Variants in UBE2L3 observed in about 807,000 individuals in gnomAD.
UBE2L3 encodes ubiquitin-conjugating enzyme E2 L3.
UBE2L3 carries 1 observed loss-of-function variant against 17.8 expected under a neutral mutation model. The observed-to-expected ratio is 0.06, with a 90% confidence interval of 0.02 to 0.27. The LOEUF (loss-of-function observed/expected upper bound fraction) is 0.27. UBE2L3 is among the 10% of genes least tolerant of loss of function. The probability of loss-of-function intolerance (pLI) is 1.00; values close to 1 mark genes in which losing one functional copy is unlikely to be tolerated. For missense variants in UBE2L3, 40 were observed against 192.6 expected, an observed-to-expected ratio of 0.21 and a Z score of 4.69; for synonymous variants, 44 against 68.5, an observed-to-expected ratio of 0.64 and a Z score of 1.76.
At chr22:21,552,841 A>G (rs1264362738) in intron 1 of UBE2L3, among the ~76,000 whole-genome samples, 1 of 128,658 alleles carries the variant, frequency 7.8e-6, no homozygotes, top group Non-Finnish European at 1.6e-5. Context: ...CTCCTGCCTC[A>G]GCCTCTCAAG....
chr22:21,579,327 A>G (rs534131417), intron 1 of UBE2L3, among the ~76,000 whole-genome samples: 43 of 152,276 alleles, frequency 2.8e-4, no homozygotes, highest in African/African-American at 9.9e-4. Context: ...ACTAAATGTA[A>G]GATAGCTACC....
chr22:21,584,558 C>T (rs1010588024), intron 1 of UBE2L3, among the ~76,000 whole-genome samples: 2 of 151,890 alleles, frequency 1.3e-5, no homozygotes, highest in Admixed American at 1.3e-4. Flanking sequence ...GACTGGAGTG[C>T]AGTGGCATGA....
In UBE2L3 at chr22:21,556,614, CTTTTTTTTTTTTGTA is replaced by C. The variant is rs1364695817; in HGVS notation, c.201+6977_201+6991del. Reference sequence around the variant, plus strand: ...CCGGCTAATTTTTCTTTTCTTTTTTCTTTTTTTTTTTTGTATTTTTTTTTTTTTGTAGAGATAGGG... The same window carrying C: ...CCGGCTAATTTTTCTTTTCTTTTTTCTTTTTTTTTTTTTGTAGAGATAGGG... On this transcript the variant is annotated intron_variant, in intron 1 of 3. Coordinates refer to the UBE2L3 transcript ENST00000458578. 7.4e-3 allele frequency among the ~76,000 whole-genome samples: 1,062 copies of C among 144,332 alleles called. 10 individuals are homozygous for C. Among genetic ancestry groups the C allele is most frequent in the African/African-American group, 0.026 (1,020 of 38,612 alleles). The allele number at this position is 144,332 out of a possible 152,430, so 94.7% of individuals were successfully genotyped here. A position where few individuals can be genotyped will look rare whatever the true frequency, so the allele number is the denominator to read the frequency against.
chr22:21,571,936 T>G (rs1280063458), intron 1 of UBE2L3, among the ~76,000 whole-genome samples: 2 of 152,174 alleles, frequency 1.3e-5, no homozygotes, highest in African/African-American at 2.4e-5. Flanking sequence ...TGTGATGTTA[T>G]GCCAGTGTAA....
chr22:21,584,794 C>A (rs1393761824), intron 1 of UBE2L3, among the ~76,000 whole-genome samples: 1 of 151,756 alleles, frequency 6.6e-6, no homozygotes, highest in Non-Finnish European at 1.5e-5. Flanking sequence ...AACCCCATCT[C>A]TACTAAAAAT....
At chr22:21,621,353 G>A (rs573737854) in intron 3 of UBE2L3, among the ~76,000 whole-genome samples, 162 bp from the exon 4 acceptor site, 40 of 152,300 alleles carry the variant, frequency 2.6e-4, no homozygotes, top group African/African-American at 9.6e-4. Context: ...TGAGTTTTCT[G>A]GCAGTCAGAA....
intron 2 of UBE2L3, among the ~76,000 whole-genome samples, chr22:21,610,612 GTC>G (rs1028407983): frequency 6.6e-6 from 1 of 152,104 alleles, no homozygotes; most frequent in Non-Finnish European, 1.5e-5. Flanking sequence ...AAAAAGTAAA[GTC>G]TATTTTTTAA....
chr22:21,618,870 G>T (rs761032949), intron 3 of UBE2L3, among the ~76,000 whole-genome samples: 2 of 152,166 alleles, frequency 1.3e-5, no homozygotes, highest in East Asian at 1.9e-4. Flanking sequence ...GGGAATACAG[G>T]TGTGAGCCAC....
intron 2 of UBE2L3, among the ~76,000 whole-genome samples, chr22:21,599,885 C>G (rs1928764367): frequency 6.6e-6 from 1 of 152,066 alleles, no homozygotes; most frequent in South Asian, 2.1e-4. Context: ...GTACTCATGG[C>G]TATTTGAGCC....
At chr22:21,610,076 T>C (rs1356844303) in intron 2 of UBE2L3, among the ~76,000 whole-genome samples, 2 of 152,178 alleles carry the variant, frequency 1.3e-5, no homozygotes, top group Non-Finnish European at 2.9e-5. Context: ...TTCTCACTTA[T>C]TGAGGCTGGG....
intron 1 of UBE2L3, among the ~76,000 whole-genome samples, chr22:21,558,245 G>T (rs1389649436): frequency 9.6e-4 from 146 of 151,976 alleles, no homozygotes; most frequent in Non-Finnish European, 1.5e-3. Context: ...GCTCCATCCT[G>T]AGAGCCTGCA....
chr22:21,564,880 A>G (rs1926574413), upstream of UBE2L3, among the ~76,000 whole-genome samples: 2 of 152,118 alleles, frequency 1.3e-5, no homozygotes, highest in South Asian at 2.1e-4. Context: ...CCAGACTTCT[A>G]AGTCCCACCA....
Position 21,567,943 on chromosome 22 carries a change from C to T in UBE2L3, c.27+172C>T, listed in dbSNP as rs1271609937. 15 of 1,417,186 alleles carry T rather than the reference C, an allele frequency of 1.1e-5. No homozygotes were observed. In the South Asian group the frequency reaches 1.6e-4, roughly 15 times the overall value. 87.8% of individuals were successfully genotyped at this position (1,417,186 alleles called of 1,614,324 possible). On this transcript the variant is annotated intron_variant, in intron 1 of 3. Transcript: ENST00000342192. ...AAGGTGCTAACGGGGCTGGCCTAGG[C>T]CGCAGCCTGGGCGGGAGCGCAAGGC...
intron 1 of UBE2L3, among the ~76,000 whole-genome samples, chr22:21,591,368 C>T (rs538852628): frequency 6.6e-6 from 1 of 152,162 alleles, no homozygotes; most frequent in Non-Finnish European, 1.5e-5. Context: ...GGCCCAAGTC[C>T]AGGTGATTGT....
intron 2 of UBE2L3, among the ~76,000 whole-genome samples, chr22:21,594,433 T>C (rs541530708): frequency 8.2e-4 from 124 of 152,130 alleles, no homozygotes; most frequent in African/African-American, 2.7e-3. Flanking sequence ...TGCTTTCTTC[T>C]TGATGCTGGT....
rs561956443 is a variant in UBE2L3, at chr22:21,586,013, G to A, written c.28-6848G>A. On this transcript the variant is annotated intron_variant, in intron 1 of 3. Coordinates refer to ENST00000342192, the MANE Select transcript of UBE2L3 (RefSeq NM_003347.4). Reference sequence around the variant, plus strand: ...TGTAGTGGCACCATCATGGCTCACTGCAGCCTCAACCTTTTGGACTCAACT... The same window carrying A: ...TGTAGTGGCACCATCATGGCTCACTACAGCCTCAACCTTTTGGACTCAACT... 2.6e-5 allele frequency among the ~76,000 whole-genome samples: 4 copies of A among 152,222 alleles called. No individual in the cohort carries two copies. The South Asian group carries it at 8.3e-4, about 32-fold the overall frequency.
Position 21,604,022 on chromosome 22 carries a change from C to T in UBE2L3, c.124-6835C>T, listed in dbSNP as rs544281703. ...AAACTCCTGGGCTTAAGCAATCCTC[C>T]CACCTCGGCCTTCCAAAGTGCTGGA... On this transcript the variant is annotated intron_variant, in intron 2 of 3. Coordinates refer to ENST00000342192, the MANE Select transcript of UBE2L3 (RefSeq NM_003347.4). Among the ~76,000 whole-genome samples the T allele has an allele frequency of 9.2e-5, 14 of 151,468 alleles. No homozygotes were observed. In the South Asian group the frequency reaches 2.9e-3, roughly 32 times the overall value.
intron 2 of UBE2L3, among the ~76,000 whole-genome samples, chr22:21,608,003 A>G (rs770118523): frequency 2.6e-5 from 4 of 152,244 alleles, no homozygotes; most frequent in Non-Finnish European, 5.9e-5. Context: ...AGAAAAGATC[A>G]AGAGATATTT....
chr22:21,552,004 C>G (rs1368515939), intron 1 of UBE2L3, among the ~76,000 whole-genome samples: 12 of 133,078 alleles, frequency 9.0e-5, no homozygotes, highest in Non-Finnish European at 1.9e-4. Flanking sequence ...CACACACACA[C>G]ACACACACAC....
Sources: gnomAD v4.1 joint callset for allele counts (sites outside exome capture counted in the v4.1 genomes callset) on GRCh38, gnomAD v4.1.1 for gene constraint, MANE v1.5 for transcripts, NCBI Gene and HGNC (gene_info 2026-07-23, HGNC 2026-07-21) for gene names.